The following RERE variants were observed in gnomAD, a reference collection of about 807,000 sequenced individuals.
The protein encoded by RERE is arginine-glutamic acid dipeptide repeats.
Under a neutral mutation model 146.1 loss-of-function variants are expected in RERE, and 40 were observed. That is an observed-to-expected ratio of 0.27 (90% CI 0.21 to 0.36). The LOEUF (loss-of-function observed/expected upper bound fraction) is 0.36. Ranked by LOEUF, RERE falls within the 10% of genes least tolerant of loss-of-function variation. The probability of loss-of-function intolerance (pLI) is 1.00; values close to 1 mark genes in which losing one functional copy is unlikely to be tolerated. For missense variants in RERE, 1,933 were observed against 2,138.7 expected (o/e 0.90, Z 1.90); for synonymous variants, 1,003 against 866.0 (o/e 1.16, Z -2.78).
intron 4 of RERE, among the ~76,000 whole-genome samples, chr1:8,585,942 T>C (rs144324365): frequency 2.6e-4 from 40 of 152,272 alleles, no homozygotes; most frequent in African/African-American, 8.4e-4. Context: ...CTAACAAAAA[T>C]CAGACATTAT....
intron 8 of RERE, among the ~76,000 whole-genome samples, chr1:8,502,193 C>T (rs1322012525): frequency 1.3e-5 from 1 of 76,292 alleles, no homozygotes; most frequent in Non-Finnish European, 2.6e-5. Flanking sequence ...GCCAGCCGCC[C>T]CGTCCGGGAG....
chr1:8,475,133 G>A (rs1314770214), intron 10 of RERE, among the ~76,000 whole-genome samples: 2 of 152,150 alleles, frequency 1.3e-5, no homozygotes, highest in African/African-American at 2.4e-5. Flanking sequence ...CAGAACTTTG[G>A]GAGGCTGAAG....
chr1:8,378,450 G>C (rs988470539), intron 12 of RERE, among the ~76,000 whole-genome samples: 1 of 152,152 alleles, frequency 6.6e-6, no homozygotes, highest in Non-Finnish European at 1.5e-5. Context: ...AACCCCCAGG[G>C]CCTCTCAATG....
chr1:8,774,765 A>G (rs1404764150), intron 1 of RERE, among the ~76,000 whole-genome samples: 1 of 152,074 alleles, frequency 6.6e-6, no homozygotes, highest in Admixed American at 6.6e-5. Context: ...ATGTTTATCT[A>G]ATCTTCTCAA....
intron 1 of RERE, among the ~76,000 whole-genome samples, chr1:8,703,374 G>A (rs1004157434): frequency 1.3e-5 from 2 of 151,546 alleles, no homozygotes; most frequent in African/African-American, 4.8e-5. Context: ...TTCAGCCCGG[G>A]AGGCCGGGCC....
chr1:8,500,115 T>C (rs1165566880), intron 8 of RERE, among the ~76,000 whole-genome samples: 7 of 152,278 alleles, frequency 4.6e-5, no homozygotes, highest in African/African-American at 1.7e-4. Context: ...AGCAAGACTC[T>C]GTCTCAAAAT....
chr1:8,545,702 G>C (rs1282547761), intron 6 of RERE, among the ~76,000 whole-genome samples: 1 of 69,280 alleles, frequency 1.4e-5, no homozygotes, highest in Non-Finnish European at 2.9e-5. Context: ...TTTTTTTTTT[G>C]AGACAGAGTC....
chr1:8,797,310 G>A (rs145949457), intron 1 of RERE, among the ~76,000 whole-genome samples: 176 of 152,006 alleles, frequency 1.2e-3, no homozygotes, highest in African/African-American at 3.9e-3. Context: ...CCCAGGAGGC[G>A]GAGGCTGCAG....
At chr1:8,796,559 T>C (rs921894200) in intron 1 of RERE, 14 of 143,650 alleles carry the variant, frequency 9.7e-5, no homozygotes, top group African/African-American at 3.4e-4. Context: ...GAGGAGATAC[T>C]GCGATTTTTT....
chr1:8,493,077 T>C (rs1644999117), intron 10 of RERE, among the ~76,000 whole-genome samples: 3 of 152,170 alleles, frequency 2.0e-5, no homozygotes, highest in Admixed American at 6.5e-5. Context: ...AGAGCGAGAC[T>C]TTGCCTCAAG....
chr1:8,369,505 T>C (rs1463088872), intron 12 of RERE, among the ~76,000 whole-genome samples: 6 of 106,358 alleles, frequency 5.6e-5, no homozygotes, highest in Admixed American at 2.9e-4. Context: ...TTTCGCCTTT[T>C]ACTAAAAAAA....
intron 12 of RERE, among the ~76,000 whole-genome samples, chr1:8,377,250 A>G (rs956782735): frequency 5.9e-5 from 9 of 152,300 alleles, no homozygotes; most frequent in Non-Finnish European, 1.0e-4. Context: ...TTTCACTTAC[A>G]TGGAACCCAC....
chr1:8,722,010 T>C (rs983160077), intron 1 of RERE, among the ~76,000 whole-genome samples: 2 of 152,232 alleles, frequency 1.3e-5, no homozygotes, highest in African/African-American at 4.8e-5. Context: ...GGAAGTCTAC[T>C]GGTGCTTTTT....
At chr1:8,544,923 C>T (rs1645840388) in intron 6 of RERE, among the ~76,000 whole-genome samples, 2 of 152,128 alleles carry the variant, frequency 1.3e-5, no homozygotes, top group Admixed American at 1.3e-4. Context: ...GACTGGGTGG[C>T]ACCCATTTGA....
At chr1:8,576,882 C>A (rs1646301024) in intron 4 of RERE, among the ~76,000 whole-genome samples, 1 of 152,184 alleles carries the variant, frequency 6.6e-6, no homozygotes, top group Admixed American at 6.5e-5. Flanking sequence ...TCTAAAGATA[C>A]ATTTGTGCTG....
chr1:8,700,553 T>G (rs1569576759), intron 1 of RERE, among the ~76,000 whole-genome samples: 1 of 152,202 alleles, frequency 6.6e-6, no homozygotes, highest in Admixed American at 6.5e-5. Flanking sequence ...CAGACACGTC[T>G]AAAAGCTTCT....
intron 1 of RERE, among the ~76,000 whole-genome samples, chr1:8,660,010 A>G (rs781044523): frequency 1.1e-4 from 16 of 152,002 alleles, no homozygotes; most frequent in Non-Finnish European, 1.9e-4. Flanking sequence ...ATTTATCTGA[A>G]AGTTGGCTCT....
At position 8,547,163 on chromosome 1, in the gene RERE, C is replaced by T. The variant is rs545947865; in HGVS notation, c.726-5845G>A. ...AAAAAGAGGGGAACATATATTAAAACATACTATAAAGCCTCTGTAATTCAG... is the reference window on the plus strand; with the variant it reads ...AAAAAGAGGGGAACATATATTAAAATATACTATAAAGCCTCTGTAATTCAG... On this transcript the variant is annotated intron_variant, in intron 6 of 22. Transcript: ENST00000400908. Among the ~76,000 whole-genome samples, 360 of 148,976 alleles carry T rather than the reference C, an allele frequency of 2.4e-3. 2 individuals carry two copies. The highest frequency in any genetic ancestry group is 8.4e-3 in the African/African-American group (344 of 40,724).
chr1:8,392,610 C>T (rs1642920320), intron 12 of RERE, among the ~76,000 whole-genome samples: 1 of 152,154 alleles, frequency 6.6e-6, no homozygotes, highest in Admixed American at 6.5e-5. Flanking sequence ...CATCTAGGAG[C>T]TTTAATTATG....
Sources: allele counts gnomAD v4.1 joint callset (sites outside exome capture counted in the v4.1 genomes callset), GRCh38; gene constraint gnomAD v4.1.1; transcripts MANE v1.5; gene names NCBI Gene and HGNC (gene_info 2026-07-23, HGNC 2026-07-21).